The following CACNA1D variants were observed in gnomAD, a reference collection of about 807,000 sequenced individuals.
CACNA1D encodes voltage-dependent L-type calcium channel subunit alpha-1D.
A neutral mutation model predicts 257.1 loss-of-function variants in CACNA1D; 55 were observed. That is an observed-to-expected ratio of 0.21 (90% confidence interval 0.17 to 0.27). The LOEUF (loss-of-function observed/expected upper bound fraction) is 0.27. CACNA1D is among the 10% of genes least tolerant of loss of function. The pLI is 1.00. For missense variants in CACNA1D, 1,876 were observed against 2,784.0 expected (o/e 0.67, Z 7.34); for synonymous variants, 980 against 1,014.9 (o/e 0.97, Z 0.65).
intron 3 of CACNA1D, among the ~76,000 whole-genome samples, chr3:53,587,110 T>A (rs2093231710): frequency 6.6e-6 from 1 of 152,114 alleles, no homozygotes; most frequent in South Asian, 2.1e-4. Flanking sequence ...GAGAAGCCAC[T>A]AAAGGGTTTT....
In CACNA1D at chr3:53,572,046, A is replaced by G. The variant is rs144312311; in HGVS notation, c.483+70326A>G. 3.3e-5 allele frequency among the ~76,000 whole-genome samples: 5 copies of G among 152,296 alleles called. No individual in the cohort carries two copies. In the East Asian group the frequency reaches 9.7e-4, roughly 29 times the overall value. ...TGGACTGATTTGTTTGAGGTTACCA[A>G]ACTCTTCTTGCCTGTCTCTTTCTCT... is the stretch of plus-strand genomic sequence containing the variant. On this transcript the variant is annotated intron_variant, in intron 3 of 47. Coordinates refer to ENST00000350061, the MANE Select transcript of CACNA1D (RefSeq NM_001128840.3).
chr3:53,704,042 A>G (rs1389337586), intron 9 of CACNA1D, among the ~76,000 whole-genome samples: 1 of 152,150 alleles, frequency 6.6e-6, no homozygotes, highest in Non-Finnish European at 1.5e-5. Context: ...GTGGAGGTGG[A>G]CAAAGGCCAG....
intron 3 of CACNA1D, among the ~76,000 whole-genome samples, chr3:53,569,616 T>C (rs1348638730): frequency 6.6e-6 from 1 of 152,216 alleles, no homozygotes; most frequent in Non-Finnish European, 1.5e-5. Flanking sequence ...CTTTCAGAGA[T>C]GGTCTTTGTC....
intron 9 of CACNA1D, among the ~76,000 whole-genome samples, chr3:53,717,075 C>T (rs1026495972): frequency 1.3e-5 from 2 of 152,248 alleles, no homozygotes; most frequent in Non-Finnish European, 1.5e-5. Flanking sequence ...GGCATCCTTG[C>T]TAAGGGGAGC....
intron 3 of CACNA1D, among the ~76,000 whole-genome samples, chr3:53,589,562 T>C (rs560300458): frequency 1.3e-5 from 2 of 152,330 alleles, no homozygotes; most frequent in East Asian, 3.9e-4. Context: ...GCCACCCAGA[T>C]GTCCCCTGGT....
intron 43 of CACNA1D, 151 bp downstream of exon 43, chr3:53,802,324 T>C (rs1236101612): frequency 1.1e-4 from 82 of 779,074 alleles, no homozygotes; most frequent in Non-Finnish European, 6.7e-5. Context: ...GGTCAGAGGT[T>C]GTTGCTTCTA....
chr3:53,522,790 A>G (rs1481290744), intron 3 of CACNA1D, among the ~76,000 whole-genome samples: 1 of 152,152 alleles, frequency 6.6e-6, no homozygotes, highest in African/African-American at 2.4e-5. Flanking sequence ...AACATTTCAA[A>G]TCTTCTATTT....
At chr3:53,704,383 A>G (rs778304082) in intron 9 of CACNA1D, among the ~76,000 whole-genome samples, 7 of 152,170 alleles carry the variant, frequency 4.6e-5, no homozygotes, top group Non-Finnish European at 1.0e-4. Flanking sequence ...AGGCTCAGGA[A>G]GGGGCCAGGA....
At chr3:53,733,090 C>A (rs1034813234) in intron 19 of CACNA1D, 128 bp downstream of exon 19, 1 of 860,996 alleles carries the variant, frequency 1.2e-6, no homozygotes, top group Non-Finnish European at 1.9e-6. Context: ...GTGTCCCTGG[C>A]GCCCTCACCC....
Position 53,495,018 on chromosome 3 carries a change from C to G in CACNA1D, c.-149C>G. On this transcript the variant is annotated 5_prime_UTR_variant, in exon 1 of 48. Transcript: ENST00000350061. The surrounding 1 kb of genome is among the most constrained non-coding windows in gnomAD (Gnocchi z 5.1). ...ATTATCCTTATTTTCTGTTATTTGT[C>G]CCCGTCCCTCCCCACCCCCCTGCTG... is the stretch of plus-strand genomic sequence containing the variant. The G allele has an allele frequency of 2.2e-6, 1 of 458,406 alleles. No individual in the cohort carries two copies. Among genetic ancestry groups the G allele is most frequent in the Non-Finnish European group, 4.4e-6 (1 of 225,630 alleles). The allele number at this position is 458,406 out of a possible 1,614,324, so 28.4% of individuals were successfully genotyped here. A position where few individuals can be genotyped will look rare whatever the true frequency, so the allele number is the denominator to read the frequency against.
At chr3:53,740,016 G>T (rs971496701) in intron 20 of CACNA1D, among the ~76,000 whole-genome samples, 4 of 152,236 alleles carry the variant, frequency 2.6e-5, no homozygotes, top group Non-Finnish European at 5.9e-5. Context: ...TCTTAGAAAT[G>T]AGCCTCTCTG....
intron 40 of CACNA1D, among the ~76,000 whole-genome samples, chr3:53,790,475 C>A (rs2095477755): frequency 6.6e-6 from 1 of 152,262 alleles, no homozygotes; most frequent in South Asian, 2.1e-4. Flanking sequence ...CTATGTCCCC[C>A]ACTCATCCCA....
Position 53,744,770 on chromosome 3 carries a change from G to C in CACNA1D, c.2949G>C (p.Leu983=). 1 of 1,610,534 alleles carries C rather than the reference G, an allele frequency of 6.2e-7. No homozygotes were observed. The highest frequency in any genetic ancestry group is 8.5e-7 in the Non-Finnish European group (1 of 1,176,674). Reference sequence around the variant, plus strand: ...GTGCCATCTCCGTTGTGAAGATTCTGAGGGTCTTAAGGGTCCTGCGTCCCC... The same window carrying C: ...GTGCCATCTCCGTTGTGAAGATTCTCAGGGTCTTAAGGGTCCTGCGTCCCC... ...QSSAISVVKI[L]RVLRVLRPLR... The change falls in exon 23 of 48, where the codon CTG becomes CTC. Residue 983 remains leucine (L), a synonymous_variant. Coordinates refer to ENST00000350061, the MANE Select transcript of CACNA1D (RefSeq NM_001128840.3).
chr3:53,718,807 G>T (rs374460040), intron 10 of CACNA1D: 354 of 1,346,996 alleles, frequency 2.6e-4, no homozygotes, highest in Admixed American at 4.7e-4. Flanking sequence ...AGCTTCTGTG[G>T]CAGAGTTGCT....
intron 30 of CACNA1D, 31 bp from the exon 31 acceptor site, chr3:53,769,942 T>G: frequency 6.4e-7 from 1 of 1,568,510 alleles, no homozygotes; most frequent in Non-Finnish European, 8.8e-7. Context: ...CCTGGTTCAT[T>G]AATCCATTTT....
chr3:53,666,601 G>C (rs1053822493), intron 7 of CACNA1D, 66 bp downstream of exon 7: 7 of 1,320,822 alleles, frequency 5.3e-6, no homozygotes, highest in Non-Finnish European at 7.7e-6. Flanking sequence ...TTGTGAGCTA[G>C]AGCCACTGGA....
Position 53,789,505 on chromosome 3 carries a change from A to T in CACNA1D, c.4923+2553A>T, listed in dbSNP as rs2095473144. 6.6e-6 allele frequency among the ~76,000 whole-genome samples: 1 copy of T among 152,226 alleles called. No individual in the cohort carries two copies. Among genetic ancestry groups the T allele is most frequent in the South Asian group, 2.1e-4 (1 of 4,832 alleles). ...AATACCGGGTGACGATGTAGCAGTT[A>T]GGAAAATTTGGTGGGACGGCAGTGG... On this transcript the variant is annotated intron_variant, in intron 40 of 47. Transcript: ENST00000350061. This position sits in a 1 kb window ranked among gnomAD's most constrained non-coding sequence, Gnocchi z 4.2.
intron 15 of CACNA1D, among the ~76,000 whole-genome samples, chr3:53,728,939 T>C (rs918957131): frequency 6.6e-6 from 1 of 152,222 alleles, no homozygotes; most frequent in Non-Finnish European, 1.5e-5. Context: ...TGGAAAGTTG[T>C]TACAAGCTTG....
At chr3:53,687,138 C>G (rs2094480075) in intron 8 of CACNA1D, among the ~76,000 whole-genome samples, 1 of 151,972 alleles carries the variant, frequency 6.6e-6, no homozygotes, top group African/African-American at 2.4e-5. Context: ...TTACAATGAT[C>G]TAAATAAATG....
Sources: gnomAD v4.1 joint callset for allele counts (sites outside exome capture counted in the v4.1 genomes callset) on GRCh38, gnomAD v4.1.1 for gene constraint, Gnocchi (gnomAD v3.1) non-coding constraint, MANE v1.5 for transcripts, NCBI Gene and HGNC (gene_info 2026-07-23, HGNC 2026-07-21) for gene names.